DPP10: variants seen among roughly 807,000 people sequenced by gnomAD.
DPP10 encodes the protein inactive dipeptidyl peptidase 10.
Under a neutral mutation model 120.9 loss-of-function variants are expected in DPP10, and 33 were observed. That is an observed-to-expected ratio of 0.27 (90% confidence interval 0.21 to 0.37). DPP10 has a LOEUF of 0.37. Ranked by LOEUF, DPP10 falls within the 10% of genes least tolerant of loss-of-function variation. DPP10 has a pLI of 1.00. For synonymous variants in DPP10, 337 were observed against 326.1 expected (o/e 1.03, Z -0.36); for missense variants, 816 against 942.8 (o/e 0.87, Z 1.76).
intron 7 of DPP10, among the ~76,000 whole-genome samples, chr2:115,720,383 T>G (rs2092616108): frequency 6.6e-6 from 1 of 152,124 alleles, no homozygotes; most frequent in Non-Finnish European, 1.5e-5. Context: ...GTTTCTAGAC[T>G]AAAATGCAGC....
chr2:114,756,241 G>A (rs1264669044), intron 1 of DPP10, among the ~76,000 whole-genome samples: 1 of 152,178 alleles, frequency 6.6e-6, no homozygotes, highest in African/African-American at 2.4e-5. Context: ...GTGTCTCTAA[G>A]AAAGACATGC....
chr2:115,144,242 A>C (rs2051090679), intron 1 of DPP10: 1 of 152,102 alleles, frequency 6.6e-6, no homozygotes. Flanking sequence ...AATACATGCT[A>C]TTACCCTGGG....
intron 1 of DPP10, among the ~76,000 whole-genome samples, chr2:114,681,184 T>G (rs1017998533): frequency 7.9e-5 from 12 of 151,976 alleles, no homozygotes; most frequent in Non-Finnish European, 4.4e-5. Flanking sequence ...GTTGCTTACT[T>G]TGAATTGCTC....
intron 5 of DPP10, among the ~76,000 whole-genome samples, chr2:115,568,327 A>G (rs2081134004): frequency 1.3e-5 from 2 of 151,978 alleles, no homozygotes; most frequent in African/African-American, 4.8e-5. Context: ...TAGGAAAAAT[A>G]CAAAAGTTAG....
rs368114826 is a variant in DPP10 at position 115,823,688 on chromosome 2, T to C, written c.1950+7959T>C. Among the ~76,000 whole-genome samples, 36 of 152,324 alleles carry C rather than the reference T, an allele frequency of 2.4e-4. 1 individual carries two copies. The South Asian group carries it at 7.5e-3, about 32-fold the overall frequency. The stretch of plus-strand genomic sequence containing the variant: ...GCCACCAACTTATATTTGTGTTTTA[T>C]TTATTTGTTTGGTTGGTTGGTTTTA... On this transcript the variant is annotated intron_variant, in intron 21 of 25. Coordinates refer to ENST00000410059, the MANE Select transcript of DPP10 (RefSeq NM_020868.6).
chr2:115,482,689 G>A (rs573083723), intron 3 of DPP10, among the ~76,000 whole-genome samples: 13 of 151,662 alleles, frequency 8.6e-5, no homozygotes, highest in African/African-American at 1.7e-4. Context: ...TTTATTCCTC[G>A]TGTACCATGT....
At chr2:115,164,988 T>G (rs2105002689) in intron 1 of DPP10, among the ~76,000 whole-genome samples, 1 of 152,364 alleles carries the variant, frequency 6.6e-6, no homozygotes, top group Non-Finnish European at 1.5e-5. Context: ...TTTTTGTTGC[T>G]TTCACAACAC....
chr2:115,537,014 G>A (rs2078889588), intron 5 of DPP10, among the ~76,000 whole-genome samples: 1 of 151,984 alleles, frequency 6.6e-6, no homozygotes, highest in Admixed American at 6.6e-5. Context: ...ACACAAGACA[G>A]TCCTTAATTG....
At chr2:115,291,950 A>T (rs971142099) in intron 1 of DPP10, among the ~76,000 whole-genome samples, 9 of 152,188 alleles carry the variant, frequency 5.9e-5, no homozygotes, top group Non-Finnish European at 8.8e-5. Context: ...AAGTTTACAT[A>T]ATCAGAGAAA....
At chr2:115,438,816 A>AAT (rs2071750716) in intron 3 of DPP10, among the ~76,000 whole-genome samples, 2 of 143,490 alleles carry the variant, frequency 1.4e-5, no homozygotes, top group Admixed American at 7.3e-5. Flanking sequence ...ATGGAAGCAC[A>AAT]GTGTGGAATA....
intron 1 of DPP10, among the ~76,000 whole-genome samples, chr2:114,789,448 G>A (rs1398246663): frequency 1.3e-5 from 2 of 152,174 alleles, no homozygotes; most frequent in African/African-American, 2.4e-5. Flanking sequence ...GATCAGGAAT[G>A]GAGAATAAAT....
chr2:115,224,471 G>A (rs1304779509), intron 1 of DPP10, among the ~76,000 whole-genome samples: 1 of 152,080 alleles, frequency 6.6e-6, no homozygotes, highest in Non-Finnish European at 1.5e-5. Flanking sequence ...ATATAAGCGA[G>A]ATATTATTCA....
intron 11 of DPP10, among the ~76,000 whole-genome samples, chr2:115,758,063 T>C (rs904353921): frequency 6.6e-6 from 1 of 151,994 alleles, no homozygotes; most frequent in Non-Finnish European, 1.5e-5. Flanking sequence ...ATCAGTATAG[T>C]GTTAGGAAAG....
intron 5 of DPP10, among the ~76,000 whole-genome samples, chr2:115,531,723 A>G (rs1320976209): frequency 2.0e-5 from 3 of 152,076 alleles, no homozygotes; most frequent in Non-Finnish European, 4.4e-5. Flanking sequence ...GATAGCTTGA[A>G]CTTCTATAAA....
At chr2:115,550,543 A>C (rs1418470621) in intron 5 of DPP10, among the ~76,000 whole-genome samples, 1 of 152,192 alleles carries the variant, frequency 6.6e-6, no homozygotes, top group South Asian at 2.1e-4. Context: ...TTCATTTTCT[A>C]ACTACTTTTT....
At chr2:115,508,221 A>G (rs2077048992) in intron 4 of DPP10, among the ~76,000 whole-genome samples, 1 of 152,152 alleles carries the variant, frequency 6.6e-6, no homozygotes. Flanking sequence ...CATGCAATCC[A>G]TTGTCTCTTG....
At chr2:114,669,077 G>A (rs1003162862) in intron 1 of DPP10, among the ~76,000 whole-genome samples, 8 of 152,026 alleles carry the variant, frequency 5.3e-5, no homozygotes, top group Non-Finnish European at 7.4e-5. Context: ...CTCAAAACAC[G>A]TTTGTTTAAT....
At chr2:114,445,534 CTGTGTGTGTGTG>C (rs145248880) in intron 1 of DPP10, among the ~76,000 whole-genome samples, 4,870 of 143,592 alleles carry the variant, frequency 0.034, 151 homozygotes, top group African/African-American at 0.085. Flanking sequence ...AAAAACAGCT[CTGTGTGTGTGTG>C]TGTGTGTGTG....
rs1683875767 is a variant in DPP10 at position 114,508,620 on chromosome 2, G to A, written c.60+65782G>A. Among the ~76,000 whole-genome samples, 8 of 152,098 alleles carry A rather than the reference G, an allele frequency of 5.3e-5. No homozygotes were observed. The South Asian group carries it at 1.7e-3, about 32-fold the overall frequency. On this transcript the variant is annotated intron_variant, in intron 1 of 25. Coordinates refer to ENST00000410059, the MANE Select transcript of DPP10 (RefSeq NM_020868.6). ...AGTGTGCCCAGAAAAAGGACACTGGGTTACAATGGGAAGTATAGCACATCA... is the reference window on the plus strand; with the variant it reads ...AGTGTGCCCAGAAAAAGGACACTGGATTACAATGGGAAGTATAGCACATCA...
Sources: gnomAD v4.1 joint callset for allele counts (sites outside exome capture counted in the v4.1 genomes callset) on GRCh38, gnomAD v4.1.1 for gene constraint, MANE v1.5 for transcripts, NCBI Gene and HGNC (gene_info 2026-07-23, HGNC 2026-07-21) for gene names.